APAF1: variants seen among roughly 807,000 people sequenced by gnomAD.
APAF1 encodes the protein apoptotic protease-activating factor 1.
In APAF1, 91 loss-of-function variants were observed where a neutral mutation model predicts 152.4. The observed-to-expected ratio is 0.60, with a 90% CI of 0.50 to 0.71. The LOEUF is 0.71. Among genes scored for constraint, APAF1 ranks in the 30% least tolerant of loss-of-function variants. APAF1 has a pLI of 0.00. For synonymous variants in APAF1, 484 were observed against 494.1 expected (o/e 0.98, Z 0.27); for missense variants, 1,283 against 1,472.0 (o/e 0.87, Z 2.10).
At position 98,697,391 on chromosome 12, in the gene APAF1, G is replaced by A. The variant is rs554984806; in HGVS notation, c.2305-2017G>A. Among the ~76,000 whole-genome samples, 3 of 152,186 alleles carry A rather than the reference G, an allele frequency of 2.0e-5. No individual in the cohort carries two copies. In the South Asian group the frequency reaches 6.2e-4, roughly 31 times the overall value. ...CTGGCCTGTCAACTCATTGAGGGTAGTATCTGTATCTGATTCATTTATATA... is the reference window on the plus strand; with the variant it reads ...CTGGCCTGTCAACTCATTGAGGGTAATATCTGTATCTGATTCATTTATATA... On this transcript the variant is annotated intron_variant, in intron 16 of 26. Coordinates refer to ENST00000551964, the MANE Select transcript of APAF1 (RefSeq NM_181861.2).
chr12:98,707,692 C>CTATATATATATATA (rs10668292), intron 19 of APAF1, among the ~76,000 whole-genome samples: 50 of 139,668 alleles, frequency 3.6e-4, no homozygotes, highest in South Asian at 2.9e-3. Flanking sequence ...ATGCAAAGTA[C>CTATATATATATATA]TATATATATA....
rs758689255 is a variant in APAF1, at chr12:98,727,160, C to CATGT, written c.3457-12_3457-9dup. On this transcript the variant is annotated splice_polypyrimidine_tract_variant and intron_variant, in intron 25 of 26. Transcript: ENST00000551964. ...ATAACTCTGTTAATGAATTGTGTATCATGTTTATGTAGATATGGAATGTCT... is the reference window on the plus strand; with the variant it reads ...ATAACTCTGTTAATGAATTGTGTATCATGTATGTTTATGTAGATATGGAATGTCT... The CATGT allele has an allele frequency of 1.2e-6, 2 of 1,613,286 alleles. No individual in the cohort carries two copies. Among genetic ancestry groups the CATGT allele is most frequent in the East Asian group, 4.5e-5 (2 of 44,876 alleles).
intron 1 of APAF1, among the ~76,000 whole-genome samples, chr12:98,646,734 T>C (rs2097641128): frequency 6.6e-6 from 1 of 152,262 alleles, no homozygotes; most frequent in Non-Finnish European, 1.5e-5. Context: ...TGTTAATGTT[T>C]TGAAAACTTG....
At chr12:98,722,383 C>T (rs1337424591) in intron 22 of APAF1, among the ~76,000 whole-genome samples, 2 of 151,986 alleles carry the variant, frequency 1.3e-5, no homozygotes, top group African/African-American at 2.4e-5. Flanking sequence ...ATGCTAGATC[C>T]TTGTTTGATT....
intron 16 of APAF1, among the ~76,000 whole-genome samples, chr12:98,688,468 TTC>T (rs1183852926): frequency 4.3e-5 from 5 of 114,978 alleles, no homozygotes; most frequent in African/African-American, 1.7e-4. Flanking sequence ...ACTGTTTTCT[TTC>T]TTTTTTTTTT....
chr12:98,701,699 T>C (rs932969525), intron 17 of APAF1, among the ~76,000 whole-genome samples: 4 of 152,258 alleles, frequency 2.6e-5, no homozygotes. Context: ...TTTAAAAATC[T>C]GTACAGCAGT....
rs768199255 is a variant in APAF1 at position 98,715,435 on chromosome 12, A to G, written c.2967A>G (p.Glu989=). The change falls in exon 22 of 27, where the codon GAA becomes GAG. Residue 989 remains glutamate, a synonymous_variant. Transcript: ENST00000551964. The stretch of plus-strand genomic sequence containing the variant: ...GTTTTTCTGCTTTGAAGATTTTAGA[A>G]CTTGTAAACAATAGAATCTTCCAGT... ...GDENGAIEIL[E]LVNNRIFQSR... is the part of the protein sequence containing the mutation. 6.8e-6 allele frequency: 11 copies of G among 1,613,236 alleles called. No homozygotes were observed. The East Asian group carries it at 2.2e-4, about 33-fold the overall frequency.
chr12:98,731,377 A>G (rs188039964), intron 26 of APAF1, among the ~76,000 whole-genome samples: 5 of 152,328 alleles, frequency 3.3e-5, no homozygotes, highest in Admixed American at 6.5e-5. Context: ...TTTTTCGGGT[A>G]GTTGAACTAA....
intron 14 of APAF1, among the ~76,000 whole-genome samples, chr12:98,682,062 T>G (rs923221739): frequency 6.7e-5 from 10 of 149,870 alleles, no homozygotes; most frequent in Admixed American, 4.6e-4. Context: ...GTTTTTTTTT[T>G]TTTTTTTTTG....
intron 17 of APAF1, among the ~76,000 whole-genome samples, chr12:98,702,170 A>G (rs1054549934): frequency 1.3e-5 from 2 of 151,556 alleles, no homozygotes; most frequent in African/African-American, 4.9e-5. Context: ...GGTTCACGCC[A>G]TTCTCCTGCC....
At chr12:98,718,476 C>T (rs919998418) in intron 22 of APAF1, among the ~76,000 whole-genome samples, 12 of 152,078 alleles carry the variant, frequency 7.9e-5, no homozygotes, top group Non-Finnish European at 1.5e-4. Flanking sequence ...CTCAAGTGAT[C>T]TCACCTTGGC....
At chr12:98,681,026 T>A (rs1055473940) in intron 14 of APAF1, among the ~76,000 whole-genome samples, 2 of 152,204 alleles carry the variant, frequency 1.3e-5, no homozygotes, top group Non-Finnish European at 2.9e-5. Context: ...ACGTTACTGG[T>A]CTAAAAACAT....
intron 4 of APAF1, among the ~76,000 whole-genome samples, chr12:98,653,681 AAAAAAAAAAAATATATATATATAT>A (rs2097652050): frequency 1.8e-5 from 1 of 54,976 alleles, no homozygotes; most frequent in African/African-American, 6.2e-5. Context: ...AAAAAAAAAA[AAAAAAAAAAAATATATATATATAT>A]ATATATATAT....
At chr12:98,648,164 A>C (rs1417318323) in intron 1 of APAF1, among the ~76,000 whole-genome samples, 155 bp from the exon 2 acceptor site, 1 of 152,190 alleles carries the variant, frequency 6.6e-6, no homozygotes, top group Non-Finnish European at 1.5e-5. Context: ...CCATTTTCTC[A>C]TACCTTTCCA....
intron 12 of APAF1, among the ~76,000 whole-genome samples, chr12:98,674,253 A>G (rs760972323): frequency 2.0e-5 from 3 of 152,078 alleles, no homozygotes; most frequent in Non-Finnish European, 2.9e-5. Flanking sequence ...TGACTTCCCA[A>G]AGTTCTTGGA....
intron 4 of APAF1, among the ~76,000 whole-genome samples, chr12:98,658,282 GT>G (rs1261467445): frequency 1.3e-5 from 2 of 152,110 alleles, no homozygotes; most frequent in Non-Finnish European, 2.9e-5. Context: ...ATTTCAAGAT[GT>G]TTTATGGCTC....
rs1429561405 is a variant in APAF1 at position 98,662,682 on chromosome 12, A to T, written c.831A>T (p.Lys277Asn). The change falls in exon 7 of 27, where the codon AAA becomes AAT. Residue 277 changes from lysine to asparagine, a missense_variant. Coordinates refer to ENST00000551964, the MANE Select transcript of APAF1 (RefSeq NM_181861.2). The stretch of plus-strand genomic sequence containing the variant: ...TGTGATTTTTGTTTGCAGGTCCTAA[A>T]TATGTAGTCCCTGTGGAGAGTTCCT... The part of the protein sequence containing the change: ...KSVTDSVMGP[K>N]YVVPVESSLG... The T allele has an allele frequency of 1.2e-6, 2 of 1,613,218 alleles. No homozygotes were observed. The highest frequency in any genetic ancestry group is 1.7e-6 in the Non-Finnish European group (2 of 1,179,732).
rs1286606399 is a variant in APAF1 at position 98,725,503 on chromosome 12, C to T, written c.3419C>T (p.Thr1140Ile). ...TGCTCTGCCTTCTCTGTGGACAGTA[C>T]CCTGCTGGCAACGGGAGATGACAAT... The part of the protein sequence containing the change: ...VRCSAFSVDS[T>I]LLATGDDNGE... Residue 1140 changes from threonine (T) to isoleucine (I), a missense_variant, in exon 25 of 27, where the codon ACC (threonine) becomes ATC (isoleucine). Thr to Ile is a moderately conservative substitution (Grantham distance 89, BLOSUM62 -1). Coordinates refer to ENST00000551964, the MANE Select transcript of APAF1 (RefSeq NM_181861.2). 2.7e-5 allele frequency: 44 copies of T among 1,613,994 alleles called. No homozygotes were observed. The highest frequency in any genetic ancestry group is 3.1e-5 in the Non-Finnish European group (36 of 1,180,016).
At position 98,677,526 on chromosome 12, in the gene APAF1, C is replaced by T. The variant is rs761612379; in HGVS notation, c.1895C>T (p.Ser632Phe). ...TCTGAGGATGGTCAGAGAATAGCTT[C>T]TTGTGGAGCTGATAAAACCTTACAG... Reference protein sequence around the residue: ...CFSEDGQRIASCGADKTLQVF... With the variant: ...CFSEDGQRIAFCGADKTLQVF... Residue 632 changes from serine (S) to phenylalanine (F), a missense_variant, in exon 13 of 27, where the codon TCT becomes TTT. Physicochemically the swap from Ser to Phe is radical, Grantham distance 155. Coordinates refer to ENST00000551964, the MANE Select transcript of APAF1 (RefSeq NM_181861.2). 6.2e-7 allele frequency: 1 copy of T among 1,614,020 alleles called. No homozygotes were observed. The highest frequency in any genetic ancestry group is 1.3e-5 in the African/African-American group (1 of 74,896).
Sources: allele counts gnomAD v4.1 joint callset (sites outside exome capture counted in the v4.1 genomes callset), GRCh38; gene constraint gnomAD v4.1.1; transcripts MANE v1.5; gene names NCBI Gene and HGNC (gene_info 2026-07-23, HGNC 2026-07-21).